Variants in RYR2 observed in about 807,000 individuals in gnomAD.
RYR2 encodes the protein ryanodine receptor 2.
In RYR2, 227 loss-of-function variants were observed where a neutral mutation model predicts 601.1. The observed-to-expected ratio is 0.38, with a 90% CI of 0.34 to 0.42. RYR2 has a LOEUF of 0.42. RYR2 is among the 10% of genes least tolerant of loss of function. RYR2 has a pLI of 1.00. For missense variants in RYR2, 4,646 were observed against 6,156.5 expected (o/e 0.75, Z 8.21); for synonymous variants, 2,223 against 2,175.1 (o/e 1.02, Z -0.61).
At chr1:237,529,760 TACACAC>T (rs71561882) in intron 24 of RYR2, among the ~76,000 whole-genome samples, 2,552 of 134,582 alleles carry the variant, frequency 0.019, 39 homozygotes, top group East Asian at 0.051. Flanking sequence ...AATAATATCA[TACACAC>T]ACACACACAC....
chr1:237,641,668 A>T (rs483864), intron 47 of RYR2, among the ~76,000 whole-genome samples: 2 of 151,740 alleles, frequency 1.3e-5, no homozygotes, highest in Admixed American at 1.3e-4. Context: ...CAGCCTCCTG[A>T]GTAGCTGGGA....
At chr1:237,582,904 G>A (rs1334792275) in intron 29 of RYR2, among the ~76,000 whole-genome samples, 1 of 131,418 alleles carries the variant, frequency 7.6e-6, no homozygotes. Context: ...TTTTTGGTAG[G>A]ATGATCTATT....
intron 1 of RYR2, among the ~76,000 whole-genome samples, chr1:237,156,098 G>T (rs1198541891): frequency 6.6e-6 from 1 of 152,136 alleles, no homozygotes; most frequent in African/African-American, 2.4e-5. Flanking sequence ...TTCAATCGTG[G>T]CTTGGGCTCT....
chr1:237,130,602 C>T (rs1672056755), intron 1 of RYR2, among the ~76,000 whole-genome samples: 1 of 152,028 alleles, frequency 6.6e-6, no homozygotes, highest in African/African-American at 2.4e-5. Flanking sequence ...ATCCCAGTTA[C>T]TCAGGAGGCT....
chr1:237,648,956 T>C (rs1438912329), intron 49 of RYR2, among the ~76,000 whole-genome samples: 1 of 152,190 alleles, frequency 6.6e-6, no homozygotes, highest in Non-Finnish European at 1.5e-5. Flanking sequence ...AACTTCCAAA[T>C]TGGCCTAAAC....
rs1470967404 is a variant in RYR2 at position 237,773,515 on chromosome 1, C to T, written c.11647-5C>T. 3 of 1,572,978 alleles carry T rather than the reference C, an allele frequency of 1.9e-6. No homozygotes were observed. Among genetic ancestry groups the T allele is most frequent in the Non-Finnish European group, 2.6e-6 (3 of 1,143,854 alleles). ...ATAATAAATAATATCATCTCTATTTCCCAGGAATCAATTAGTGACTTTTAT... is the reference window on the plus strand; with the variant it reads ...ATAATAAATAATATCATCTCTATTTTCCAGGAATCAATTAGTGACTTTTAT... On this transcript the variant is annotated splice_region_variant and splice_polypyrimidine_tract_variant and intron_variant, in intron 86 of 104. Coordinates refer to ENST00000366574, the MANE Select transcript of RYR2 (RefSeq NM_001035.3).
chr1:237,605,863 A>T (rs1677065192), intron 35 of RYR2, among the ~76,000 whole-genome samples: 2 of 151,586 alleles, frequency 1.3e-5, no homozygotes, highest in Admixed American at 1.3e-4. Context: ...CTTACAAGGG[A>T]TGTGAAGGAC....
chr1:237,517,425 G>A (rs1666655475), intron 24 of RYR2, among the ~76,000 whole-genome samples: 1 of 152,014 alleles, frequency 6.6e-6, no homozygotes, highest in African/African-American at 2.4e-5. Context: ...TTGCTTCCCT[G>A]GGCCACATTG....
intron 2 of RYR2, among the ~76,000 whole-genome samples, chr1:237,282,372 T>C (rs1356425893): frequency 6.6e-6 from 1 of 152,190 alleles, no homozygotes. Context: ...CATATTTTCA[T>C]GTGCCATAAA....
intron 2 of RYR2, among the ~76,000 whole-genome samples, chr1:237,309,666 G>A (rs552160509): frequency 4.3e-4 from 66 of 152,322 alleles, no homozygotes; most frequent in African/African-American, 1.3e-3. Flanking sequence ...GGGACCAGGC[G>A]CCATGGAGCA....
intron 40 of RYR2, among the ~76,000 whole-genome samples, chr1:237,626,221 T>A (rs1679628810): frequency 6.6e-6 from 1 of 152,190 alleles, no homozygotes; most frequent in African/African-American, 2.4e-5. Flanking sequence ...TTTCCTCAAC[T>A]GTTGTATACT....
chr1:237,492,824 A>AAGG lies in RYR2; in HGVS notation c.1828-129_1828-128insGGA, dbSNP rs1558912187. The stretch of plus-strand genomic sequence containing the variant: ...GGGTGACAGAGTGAGATGCTGTCTG[A>AAGG]AAGGAAGGAAGGAAGGAAGGAAGGA... On this transcript the variant is annotated intron_variant, in intron 18 of 104. Transcript: ENST00000366574. 46,768 of 774,600 alleles carry AAGG rather than the reference A, an allele frequency of 0.06. 5,018 individuals are homozygous for AAGG. The highest frequency in any genetic ancestry group is 0.2 in the African/African-American group (8,149 of 41,686). The allele number at this position is 774,600 out of a possible 1,614,324, so 48.0% of individuals were successfully genotyped here. A position where few individuals can be genotyped will look rare whatever the true frequency, so the allele number is the denominator to read the frequency against.
chr1:237,172,697 C>T (rs954034432), intron 1 of RYR2, among the ~76,000 whole-genome samples: 1 of 152,068 alleles, frequency 6.6e-6, no homozygotes, highest in African/African-American at 2.4e-5. Context: ...GATGGACTTC[C>T]TTTATGTACT....
rs546709905 is a variant in RYR2, at chr1:237,475,687, G to T, written c.1708+6500G>T. The stretch of plus-strand genomic sequence containing the variant: ...GATACGGTGTGATGTTATGATGTAT[G>T]TATATAATATAGGATGATTAAATCA... On this transcript the variant is annotated intron_variant, in intron 17 of 104. Transcript: ENST00000366574. Among the ~76,000 whole-genome samples the T allele has an allele frequency of 8.0e-4, 122 of 152,168 alleles. 2 individuals carry two copies. Among genetic ancestry groups the T allele is most frequent in the Non-Finnish European group, 2.4e-4 (16 of 68,026 alleles).
Position 237,612,757 on chromosome 1 carries a change from T to TAATAG in RYR2, c.4911-1279_4911-1278insAGAAT, listed in dbSNP as rs567734166. Among the ~76,000 whole-genome samples, 663 of 152,320 alleles carry TAATAG rather than the reference T, an allele frequency of 4.4e-3. 6 individuals are homozygous for TAATAG. Among genetic ancestry groups the TAATAG allele is most frequent in the African/African-American group, 0.016 (651 of 41,564 alleles). ...TACTGAGCATGGAATTTTAACATTA[T>TAATAG]AATTTAACATTTTGGCATGCTATCA... is the stretch of plus-strand genomic sequence containing the variant. On this transcript the variant is annotated intron_variant, in intron 36 of 104. Coordinates refer to ENST00000366574, the MANE Select transcript of RYR2 (RefSeq NM_001035.3).
chr1:237,822,246 A>C (rs1206835260), intron 101 of RYR2, among the ~76,000 whole-genome samples: 2 of 152,200 alleles, frequency 1.3e-5, no homozygotes, highest in Non-Finnish European at 2.9e-5. Context: ...GGTTGAAATG[A>C]AGGAAAAAAT....
At chr1:237,740,425 A>G (rs990231777) in intron 79 of RYR2, among the ~76,000 whole-genome samples, 2 of 152,152 alleles carry the variant, frequency 1.3e-5, no homozygotes, top group East Asian at 1.9e-4. Context: ...TCCTAGGAAG[A>G]TTTTTTTAAA....
chr1:237,664,788 G>C (rs1028193136), intron 56 of RYR2, among the ~76,000 whole-genome samples: 4 of 152,192 alleles, frequency 2.6e-5, no homozygotes, highest in African/African-American at 9.7e-5. Context: ...ATCAATAGCT[G>C]TGTTAGGTGA....
rs1273311134 is a variant in RYR2, at chr1:237,594,915, T to G, written c.4437-583T>G. Among the ~76,000 whole-genome samples, 99 of 85,396 alleles carry G rather than the reference T, an allele frequency of 1.2e-3. 1 individual carries two copies. The highest frequency in any genetic ancestry group is 2.9e-3 in the African/African-American group (82 of 28,714). The allele number at this position is 85,396 out of a possible 152,430, so 56.0% of individuals were successfully genotyped here. A position where few individuals can be genotyped will look rare whatever the true frequency, so the allele number is the denominator to read the frequency against. ...TTTTTTTTTTTTTTTTTTTTTTTTT[T>G]TTTTTTTTTTTTTTTTGCATATTCT... On this transcript the variant is annotated intron_variant, in intron 33 of 104. Coordinates refer to ENST00000366574, the MANE Select transcript of RYR2 (RefSeq NM_001035.3).
Sources: gnomAD v4.1 joint callset for allele counts (sites outside exome capture counted in the v4.1 genomes callset) on GRCh38, gnomAD v4.1.1 for gene constraint, MANE v1.5 for transcripts, NCBI Gene and HGNC (gene_info 2026-07-23, HGNC 2026-07-21) for gene names.